Variants in STK32B observed in about 807,000 individuals in gnomAD.
The protein encoded by STK32B is serine/threonine kinase 32B, also known as serine/threonine-protein kinase 32B.
A neutral mutation model predicts 52.6 loss-of-function variants in STK32B; 43 were observed. The ratio of observed to expected loss-of-function variants is 0.82; its 90% CI spans 0.64 to 1.05. STK32B has a LOEUF of 1.05. STK32B is among the 50% of genes least tolerant of loss of function. The pLI, the probability that STK32B is intolerant of heterozygous loss-of-function variation, is 0.00. For synonymous variants in STK32B, 238 were observed against 204.3 expected, an observed-to-expected ratio of 1.17 and a Z score of -1.41; for missense variants, 621 against 534.6, an observed-to-expected ratio of 1.16 and a Z score of -1.59.
intron 3 of STK32B, among the ~76,000 whole-genome samples, chr4:5,270,849 CA>C (rs1459307229): frequency 6.6e-6 from 1 of 152,152 alleles, no homozygotes; most frequent in Non-Finnish European, 1.5e-5. Context: ...GTGAGTTTAT[CA>C]GGGTTGCAGA....
intron 11 of STK32B, among the ~76,000 whole-genome samples, chr4:5,488,407 C>T (rs984614834): frequency 2.0e-5 from 3 of 152,104 alleles, no homozygotes; most frequent in African/African-American, 7.2e-5. Flanking sequence ...AAGAGCAGAT[C>T]AATATTTCAA....
chr4:5,389,291 T>C (rs1326755293), intron 4 of STK32B, among the ~76,000 whole-genome samples: 3 of 152,210 alleles, frequency 2.0e-5, no homozygotes, highest in African/African-American at 7.2e-5. Flanking sequence ...TGCCTACCTG[T>C]GTTTGTCTGC....
chr4:5,488,543 T>TC lies in STK32B; in HGVS notation c.1107-10401dup, dbSNP rs1305122304. 2.6e-5 allele frequency among the ~76,000 whole-genome samples: 4 copies of TC among 152,182 alleles called. No homozygotes were observed. In the East Asian group the frequency reaches 5.8e-4, roughly 22 times the overall value. ...TACCTTTTAATTGTAGTCAACTTGA[T>TC]CACACACATTACTTTCATAAATTTC... On this transcript the variant is annotated intron_variant, in intron 11 of 11. Coordinates refer to ENST00000282908, the MANE Select transcript of STK32B (RefSeq NM_018401.3).
At chr4:5,262,319 A>C (rs1726761718) in intron 3 of STK32B, among the ~76,000 whole-genome samples, 3 of 152,268 alleles carry the variant, frequency 2.0e-5, no homozygotes, top group African/African-American at 7.2e-5. Context: ...GTGGAATTCT[A>C]CACAGCCATT....
chr4:5,388,910 A>C (rs9291090), intron 4 of STK32B, among the ~76,000 whole-genome samples: 7,646 of 152,278 alleles, frequency 0.05, 479 homozygotes, highest in Admixed American at 0.19. Context: ...CTTAGTAGCC[A>C]AGTTAACATC....
chr4:5,435,883 G>A (rs775618737), intron 6 of STK32B: 12 of 152,346 alleles, frequency 7.9e-5, no homozygotes, highest in Non-Finnish European at 1.8e-4. Flanking sequence ...AATAGCAGAG[G>A]CCTATTCTGA....
chr4:5,121,084 C>G (rs545151689), intron 1 of STK32B, among the ~76,000 whole-genome samples: 5 of 152,218 alleles, frequency 3.3e-5, no homozygotes, highest in African/African-American at 1.2e-4. Flanking sequence ...TTTTATCCCT[C>G]CCCACTTCCA....
At chr4:5,157,416 G>C (rs1717947510) in intron 2 of STK32B, among the ~76,000 whole-genome samples, 1 of 152,124 alleles carries the variant, frequency 6.6e-6, no homozygotes, top group African/African-American at 2.4e-5. Context: ...ATTGATGATA[G>C]CTGCTCTGCA....
intron 1 of STK32B, among the ~76,000 whole-genome samples, chr4:5,120,954 T>A (rs1714991855): frequency 6.6e-6 from 1 of 152,106 alleles, no homozygotes; most frequent in African/African-American, 2.4e-5. Flanking sequence ...CAATAGTTTT[T>A]GGGGTACAGG....
chr4:5,462,444 C>T (rs570413116), intron 9 of STK32B, among the ~76,000 whole-genome samples: 1 of 152,124 alleles, frequency 6.6e-6, no homozygotes, highest in Admixed American at 6.6e-5. Context: ...TTGGGGCCGG[C>T]AGGGGCAGCT....
intron 3 of STK32B, among the ~76,000 whole-genome samples, chr4:5,291,072 C>A (rs566685415): frequency 1.9e-4 from 29 of 152,060 alleles, no homozygotes; most frequent in Non-Finnish European, 3.5e-4. Context: ...TATGCCAATG[C>A]CACACTGTCT....
At chr4:5,137,261 A>G (rs6853110) in intron 1 of STK32B, among the ~76,000 whole-genome samples, 2,900 of 152,260 alleles carry the variant, frequency 0.019, 95 homozygotes, top group African/African-American at 0.066. Context: ...CCAATGCTCA[A>G]TCTGGACCCC....
chr4:5,171,047 C>G (rs1719329513), intron 3 of STK32B, among the ~76,000 whole-genome samples: 1 of 152,208 alleles, frequency 6.6e-6, no homozygotes, highest in Non-Finnish European at 1.5e-5. Context: ...TTGTATTTCT[C>G]TGATGACCAG....
intron 4 of STK32B, among the ~76,000 whole-genome samples, chr4:5,370,634 A>G (rs772820495): frequency 8.5e-5 from 13 of 152,104 alleles, no homozygotes; most frequent in Non-Finnish European, 1.6e-4. Flanking sequence ...TAGTGTTGCT[A>G]TGTACTGGCC....
Position 5,317,533 on chromosome 4 carries a change from T to TTA in STK32B, c.261-13686_261-13685dup, listed in dbSNP as rs1438485553. Among the ~76,000 whole-genome samples, 80 of 100,722 alleles carry TTA rather than the reference T, an allele frequency of 7.9e-4. 2 individuals carry two copies. The highest frequency in any genetic ancestry group is 1.7e-3 in the South Asian group (7 of 4,054). 66.1% of individuals were successfully genotyped at this position (100,722 alleles called of 152,430 possible). On this transcript the variant is annotated intron_variant, in intron 3 of 11. Coordinates refer to ENST00000282908, the MANE Select transcript of STK32B (RefSeq NM_018401.3). ...GTATAATATATTTATTATATATATA[T>TTA]TACATGTATATATATATATATATAT...
At chr4:5,263,318 ACTGG>A (rs1387914745) in intron 3 of STK32B, among the ~76,000 whole-genome samples, 2 of 139,464 alleles carry the variant, frequency 1.4e-5, no homozygotes, top group African/African-American at 5.6e-5. Context: ...TTTGGTTTTC[ACTGG>A]GCCAGTGGTC....
the STK32B span, among the ~76,000 whole-genome samples, chr4:5,045,477 G>T: frequency 6.6e-6 from 1 of 152,184 alleles, no homozygotes; most frequent in Non-Finnish European, 1.5e-5. Flanking sequence ...GATAGAAATA[G>T]TATTGAATCT....
intron 3 of STK32B, among the ~76,000 whole-genome samples, chr4:5,311,490 G>A (rs1730286333): frequency 6.6e-6 from 1 of 152,064 alleles, no homozygotes; most frequent in Non-Finnish European, 1.5e-5. Context: ...ATCAATGAAA[G>A]AATAAGCTGA....
At chr4:5,495,750 T>G (rs564511120) in intron 11 of STK32B, among the ~76,000 whole-genome samples, 21 of 152,280 alleles carry the variant, frequency 1.4e-4, no homozygotes, top group African/African-American at 4.6e-4. Flanking sequence ...ACAGATGGGT[T>G]TTTGGTGTGG....
Sources: allele counts gnomAD v4.1 joint callset (sites outside exome capture counted in the v4.1 genomes callset), GRCh38; gene constraint gnomAD v4.1.1; transcripts MANE v1.5; gene names NCBI Gene and HGNC (gene_info 2026-07-23, HGNC 2026-07-21).